FHIT: variants seen among roughly 807,000 people sequenced by gnomAD.
FHIT encodes fragile histidine triad diadenosine triphosphatase.
In FHIT, 19 loss-of-function variants were observed where a neutral mutation model predicts 17.9. The ratio of observed to expected loss-of-function variants is 1.06; its 90% CI spans 0.74 to 1.56. FHIT has a LOEUF of 1.56. Ranked by LOEUF, FHIT falls within the 40% of genes most tolerant of loss-of-function variation. FHIT has a pLI of 0.00. For missense variants in FHIT, 248 were observed against 189.2 expected (o/e 1.31, Z -1.82); for synonymous variants, 81 against 69.7 (o/e 1.16, Z -0.81).
intron 5 of FHIT, among the ~76,000 whole-genome samples, chr3:60,304,149 C>G (rs554674299): frequency 6.6e-6 from 1 of 152,190 alleles, no homozygotes; most frequent in African/African-American, 2.4e-5. Context: ...ATTAAGTATC[C>G]CTTTGAAAAG....
Position 60,315,005 on chromosome 3 carries a change from C to T in FHIT, c.103+221855G>A, listed in dbSNP as rs182861262. 2.6e-5 allele frequency among the ~76,000 whole-genome samples: 4 copies of T among 152,270 alleles called. No homozygotes were observed. The East Asian group carries it at 7.7e-4, about 29-fold the overall frequency. ...CAAGAAACTGGCATTTCTCTTCAAACACTAGCTTTCAAATCCTGAATTGCT... is the reference window on the plus strand; with the variant it reads ...CAAGAAACTGGCATTTCTCTTCAAATACTAGCTTTCAAATCCTGAATTGCT... On this transcript the variant is annotated intron_variant, in intron 5 of 9. Coordinates refer to ENST00000492590, the MANE Select transcript of FHIT (RefSeq NM_002012.4).
chr3:60,945,345 C>G (rs1477959285), intron 3 of FHIT, among the ~76,000 whole-genome samples: 19 of 152,042 alleles, frequency 1.2e-4, no homozygotes, highest in Non-Finnish European at 2.6e-4. Context: ...GCCTTGAGGT[C>G]ATAGCAAAAA....
At chr3:60,509,552 G>A (rs1384906786) in intron 5 of FHIT, among the ~76,000 whole-genome samples, 1 of 151,922 alleles carries the variant, frequency 6.6e-6, no homozygotes, top group African/African-American at 2.4e-5. Flanking sequence ...AAAAAGCCCA[G>A]TAACATTTGT....
chr3:61,208,387 G>C (rs1416049385), intron 1 of FHIT, among the ~76,000 whole-genome samples: 2 of 152,034 alleles, frequency 1.3e-5, no homozygotes, highest in East Asian at 1.9e-4. Flanking sequence ...TTTCTGTCTT[G>C]TTGATCTGCT....
At chr3:60,497,168 C>G (rs1055202962) in intron 5 of FHIT, among the ~76,000 whole-genome samples, 1 of 151,922 alleles carries the variant, frequency 6.6e-6, no homozygotes, top group African/African-American at 2.4e-5. Context: ...CTGCTAAACA[C>G]TTACAGTGCA....
In FHIT at chr3:59,831,114, C is replaced by T. The variant is rs770191831; in HGVS notation, c.349-78793G>A. On this transcript the variant is annotated intron_variant, in intron 8 of 9. Coordinates refer to ENST00000492590, the MANE Select transcript of FHIT (RefSeq NM_002012.4). ...AACCCCACCTACCTCTTAGGGTTCT[C>T]GTGAAGATGTGCTTGAGAAGAGCTG... Among the ~76,000 whole-genome samples, 145 of 152,216 alleles carry T rather than the reference C, an allele frequency of 9.5e-4. 1 individual carries two copies. The highest frequency in any genetic ancestry group is 1.3e-3 in the Admixed American group (20 of 15,292).
At chr3:60,027,142 C>CA (rs1321531808) in intron 5 of FHIT, among the ~76,000 whole-genome samples, 20 of 109,578 alleles carry the variant, frequency 1.8e-4, no homozygotes, top group Admixed American at 4.8e-4. Flanking sequence ...CACACACACA[C>CA]ACACACAAAA....
intron 7 of FHIT, among the ~76,000 whole-genome samples, chr3:59,987,614 T>C (rs1348346973): frequency 1.3e-5 from 2 of 152,034 alleles, no homozygotes; most frequent in Non-Finnish European, 2.9e-5. Flanking sequence ...TTTTTATAAA[T>C]TTGAGCGAGG....
At chr3:60,699,048 G>C (rs1553701385) in intron 4 of FHIT, among the ~76,000 whole-genome samples, 4 of 152,002 alleles carry the variant, frequency 2.6e-5, no homozygotes, top group Non-Finnish European at 5.9e-5. Context: ...GTAACAATCT[G>C]TATCATTATA....
intron 5 of FHIT, among the ~76,000 whole-genome samples, chr3:60,440,860 C>A (rs1204658260): frequency 6.6e-6 from 1 of 152,018 alleles, no homozygotes; most frequent in African/African-American, 2.4e-5. Context: ...AACCAAAGTA[C>A]AAATAACATA....
chr3:60,144,294 T>C lies in FHIT; in HGVS notation c.104-130142A>G, dbSNP rs73831600. Among the ~76,000 whole-genome samples the C allele has an allele frequency of 8.2e-3, 1,254 of 152,338 alleles. 21 individuals are homozygous for C. The highest frequency in any genetic ancestry group is 0.029 in the African/African-American group (1,198 of 41,580). ...CAGTAATAGCTGAATCCCATTGATA[T>C]GGATGGTGCTAGTCACTGTGTTAAG... On this transcript the variant is annotated intron_variant, in intron 5 of 9. Transcript: ENST00000492590.
Position 61,225,214 on chromosome 3 carries a change from A to G in FHIT, c.-212-24549T>C, listed in dbSNP as rs116228863. Among the ~76,000 whole-genome samples, 1,182 of 152,340 alleles carry G rather than the reference A, an allele frequency of 7.8e-3. 11 individuals carry two copies. Among genetic ancestry groups the G allele is most frequent in the Non-Finnish European group, 0.01 (694 of 68,034 alleles). ...AATATCAGGTATAAAACATTTTCAG[A>G]CCACCAGATGCTTATTCAATTTTGA... On this transcript the variant is annotated intron_variant, in intron 1 of 9. Coordinates refer to ENST00000492590, the MANE Select transcript of FHIT (RefSeq NM_002012.4).
At chr3:59,809,152 C>G (rs1176236322) in intron 8 of FHIT, among the ~76,000 whole-genome samples, 1 of 152,040 alleles carries the variant, frequency 6.6e-6, no homozygotes, top group Non-Finnish European at 1.5e-5. Context: ...AATGCATGTC[C>G]ACCTAGAGCC....
chr3:60,417,006 A>G (rs532026150), intron 5 of FHIT, among the ~76,000 whole-genome samples: 3 of 151,644 alleles, frequency 2.0e-5, no homozygotes, highest in South Asian at 2.1e-4. Flanking sequence ...GGAGAATGGC[A>G]TGAACCTGGG....
At chr3:60,492,326 T>C (rs959071742) in intron 5 of FHIT, among the ~76,000 whole-genome samples, 1 of 152,204 alleles carries the variant, frequency 6.6e-6, no homozygotes, top group African/African-American at 2.4e-5. Context: ...TAATTGTTTC[T>C]CACATTTGAG....
At chr3:60,745,238 T>A (rs567513497) in intron 4 of FHIT, among the ~76,000 whole-genome samples, 1 of 152,334 alleles carries the variant, frequency 6.6e-6, no homozygotes, top group South Asian at 2.1e-4. Flanking sequence ...GGGTGGCAGA[T>A]AATTTGTCTC....
At chr3:61,175,384 A>G (rs1370134004) in intron 2 of FHIT, among the ~76,000 whole-genome samples, 1 of 152,030 alleles carries the variant, frequency 6.6e-6, no homozygotes, top group Non-Finnish European at 1.5e-5. Flanking sequence ...CAGCTTGACC[A>G]CCTCCCCCAT....
chr3:60,218,778 C>T (rs1375371517), intron 5 of FHIT, among the ~76,000 whole-genome samples: 1 of 152,052 alleles, frequency 6.6e-6, no homozygotes, highest in Non-Finnish European at 1.5e-5. Context: ...GGATATGTAA[C>T]TTACCCTGCA....
chr3:60,576,231 A>G (rs558884307), intron 4 of FHIT, among the ~76,000 whole-genome samples: 1 of 101,510 alleles, frequency 9.9e-6, no homozygotes, highest in Non-Finnish European at 2.2e-5. Flanking sequence ...GATTGGTAAA[A>G]TTTTTTTAAA....
Sources: allele counts gnomAD v4.1 joint callset (sites outside exome capture counted in the v4.1 genomes callset), GRCh38; gene constraint gnomAD v4.1.1; transcripts MANE v1.5; gene names NCBI Gene and HGNC (gene_info 2026-07-23, HGNC 2026-07-21).